BRCA2: variants seen among roughly 807,000 people sequenced by gnomAD.
BRCA2 encodes BRCA2 DNA repair associated.
Under a neutral mutation model 276.7 loss-of-function variants are expected in BRCA2, and 203 were observed. The ratio of observed to expected loss-of-function variants is 0.73; its 90% CI spans 0.65 to 0.82. The LOEUF is 0.82. BRCA2 is among the 40% of genes least tolerant of loss of function. The pLI, the probability that BRCA2 is intolerant of heterozygous loss-of-function variation, is 0.00. For missense variants in BRCA2, 3,920 were observed against 3,915.0 expected (o/e 1.00, Z -0.03); for synonymous variants, 1,289 against 1,338.4 (o/e 0.96, Z 0.81).
At chr13:32,318,949 T>C in intron 2 of BRCA2, 128 bp from the exon 3 acceptor site, 5 of 1,245,752 alleles carry the variant, frequency 4.0e-6, no homozygotes, top group Non-Finnish European at 5.6e-6. Flanking sequence ...GTTTAATTAA[T>C]ATGCCTTAAC....
At chr13:32,389,256 T>G (rs537278668) in intron 24 of BRCA2, among the ~76,000 whole-genome samples, 2 of 152,324 alleles carry the variant, frequency 1.3e-5, no homozygotes, top group Admixed American at 6.5e-5. Context: ...AAATACTATT[T>G]TCTTGGATAT....
chr13:32,349,587 G>A lies in BRCA2; in HGVS notation c.7007+2691G>A, dbSNP rs367890577. Among the ~76,000 whole-genome samples the A allele has an allele frequency of 1.5e-3, 229 of 152,072 alleles. 2 individuals carry two copies. The highest frequency in any genetic ancestry group is 6.8e-3 in the Middle Eastern group (2 of 294). ...CGGTGGCTCACATGGAGGCTGAGGCGGGTGAATCACCTGAGGTCAGGAATT... is the reference window on the plus strand; with the variant it reads ...CGGTGGCTCACATGGAGGCTGAGGCAGGTGAATCACCTGAGGTCAGGAATT... On this transcript the variant is annotated intron_variant, in intron 13 of 26. Coordinates refer to ENST00000380152, the MANE Select transcript of BRCA2 (RefSeq NM_000059.4).
Position 32,340,356 on chromosome 13 carries a change from T to C in BRCA2, c.6001T>C (p.Ser2001Pro), listed in dbSNP as rs939633265. The C allele has an allele frequency of 6.2e-7, 1 of 1,614,036 alleles. No individual in the cohort carries two copies. Among genetic ancestry groups the C allele is most frequent in the South Asian group, 1.1e-5 (1 of 91,082 alleles). The change falls in exon 11 of 27, where the codon TCT (serine) becomes CCT (proline). Residue 2001 changes from serine to proline, a missense_variant. By Grantham distance (74) the Ser-to-Pro change is moderately conservative. Around this residue, in one of 2 missense-constraint regions of BRCA2, gnomAD observed 3,263 missense variants for 3,156.9 expected, o/e 1.03. Transcript: ENST00000380152. ...ASLQNARQVF[S>P]EIEDSTKQVF... ...ATTACAAAACGCAAGACAAGTGTTT[T>C]CTGAAATAGAAGATAGTACCAAGCA...
rs4987049 is a variant in BRCA2 at position 32,398,437 on chromosome 13, C to T, written c.9924C>T (p.Tyr3308=). The change falls in exon 27 of 27, where the codon TAC becomes TAT. Residue 3308 remains tyrosine (Y), a synonymous_variant. Coordinates refer to ENST00000380152, the MANE Select transcript of BRCA2 (RefSeq NM_000059.4). ...CACCAAGGAGTTGTGGCACCAAATA[C>T]GAAACACCCATAAAGAAAAAAGAAC... is the stretch of plus-strand genomic sequence containing the variant. ...FQPPRSCGTK[Y]ETPIKKKELN... 7.1e-5 allele frequency: 115 copies of T among 1,614,138 alleles called. No homozygotes were observed. In the African/African-American group the frequency reaches 1.2e-3, roughly 17 times the overall value.
At chr13:32,367,750 G>A (rs1438941268) in intron 18 of BRCA2, among the ~76,000 whole-genome samples, 2 of 151,996 alleles carry the variant, frequency 1.3e-5, no homozygotes, top group Admixed American at 6.5e-5. Flanking sequence ...AGTTGAGATC[G>A]TGCTACTGCA....
Position 32,358,659 on chromosome 13 carries a change from G to A in BRCA2, c.7805+730G>A, listed in dbSNP as rs544411371. Among the ~76,000 whole-genome samples the A allele has an allele frequency of 5.3e-5, 8 of 151,442 alleles. No homozygotes were observed. The East Asian group carries it at 6.0e-4, about 11-fold the overall frequency. On this transcript the variant is annotated intron_variant, in intron 16 of 26. Coordinates refer to ENST00000380152, the MANE Select transcript of BRCA2 (RefSeq NM_000059.4). Reference sequence around the variant, plus strand: ...AATTAAAAAATTAGCCCAGCCAGGCGCGGTGGCTCACGCCTGTAGTCCCAA... The same window carrying A: ...AATTAAAAAATTAGCCCAGCCAGGCACGGTGGCTCACGCCTGTAGTCCCAA...
Position 32,331,026 on chromosome 13 carries a change from T to G in BRCA2, c.789T>G (p.Ser263Arg), listed in dbSNP as rs2137462322. Residue 263 changes from serine (S) to arginine (R), a missense_variant, in exon 9 of 27, where the codon AGT becomes AGG. Coordinates refer to ENST00000380152, the MANE Select transcript of BRCA2 (RefSeq NM_000059.4). ...ACACAAATCAAAGAGAAGCTGCAAGTCATGGTAAGTCCTCTGTTTAGTTGA... is the reference window on the plus strand; with the variant it reads ...ACACAAATCAAAGAGAAGCTGCAAGGCATGGTAAGTCCTCTGTTTAGTTGA... Reference protein sequence around the residue: ...SENTNQREAASHGFGKTSGNS... With the variant: ...SENTNQREAARHGFGKTSGNS... 6.2e-7 allele frequency: 1 copy of G among 1,601,988 alleles called. No individual in the cohort carries two copies.
rs746634772 is a variant in BRCA2, at chr13:32,370,529, T to C, written c.8459T>C (p.Val2820Ala). Residue 2820 changes from valine to alanine, a missense_variant, in exon 19 of 27, where the codon GTA becomes GCA. Transcript: ENST00000380152. ...GGAGGAAATGTTGGTTGTGTTGATG[T>C]AATTATTCAAAGAGCATACCCTATA... ...SDGGNVGCVD[V>A]IIQRAYPIQW... The C allele has an allele frequency of 1.2e-6, 2 of 1,613,804 alleles. No homozygotes were observed. Among genetic ancestry groups the C allele is most frequent in the South Asian group, 2.2e-5 (2 of 91,072 alleles).
In BRCA2 at chr13:32,340,097, C is replaced by T. The variant is rs1306995891; in HGVS notation, c.5742C>T (p.Ser1914=). The change falls in exon 11 of 27, where the codon AGC becomes AGT. Residue 1914 remains serine, a synonymous_variant. Coordinates refer to ENST00000380152, the MANE Select transcript of BRCA2 (RefSeq NM_000059.4). ...ACTCTCTAGATAATGATGAATGTAG[C>T]ACGCATTCACATAAGGTTTTTGCTG... ...LHNSLDNDEC[S]THSHKVFADI... 6.2e-6 allele frequency: 10 copies of T among 1,613,752 alleles called. No individual in the cohort carries two copies. Among genetic ancestry groups the T allele is most frequent in the Non-Finnish European group, 8.5e-6 (10 of 1,179,762 alleles).
intron 24 of BRCA2, among the ~76,000 whole-genome samples, chr13:32,383,876 G>T (rs544469624): frequency 1.3e-5 from 2 of 152,164 alleles, no homozygotes; most frequent in East Asian, 3.9e-4. Context: ...TAAAAGTCTT[G>T]GGTATGTCCA....
chr13:32,385,038 G>T, intron 24 of BRCA2: 1 of 327,824 alleles, frequency 3.1e-6, no homozygotes, highest in Non-Finnish European at 6.0e-6. Context: ...ACATTTGCAA[G>T]AAGTTTTCAA....
At chr13:32,375,817 C>G (rs909336706) in intron 20 of BRCA2, among the ~76,000 whole-genome samples, 3 of 151,900 alleles carry the variant, frequency 2.0e-5, no homozygotes, top group Admixed American at 6.5e-5. Context: ...GCCTCGGCCT[C>G]CCAAAGTGCT....
At chr13:32,350,157 C>T (rs144196305) in intron 13 of BRCA2, among the ~76,000 whole-genome samples, 3 of 152,146 alleles carry the variant, frequency 2.0e-5, no homozygotes, top group East Asian at 1.9e-4. Flanking sequence ...TTCAAAACAG[C>T]CTTTTGGTCC....
intron 24 of BRCA2, chr13:32,385,065 A>C (rs937642741): frequency 3.4e-6 from 1 of 292,606 alleles, no homozygotes. Context: ...TCTGTCACAG[A>C]ATGGAATGTC....
Position 32,398,986 on chromosome 13 carries a change from GTA to G in BRCA2, c.*217_*218del. 1 of 539,420 alleles carries G rather than the reference GTA, an allele frequency of 1.9e-6. No individual in the cohort carries two copies. The allele number at this position is 539,420 out of a possible 1,614,324, so 33.4% of individuals were successfully genotyped here. A position where few individuals can be genotyped will look rare whatever the true frequency, so the allele number is the denominator to read the frequency against. On this transcript the variant is annotated 3_prime_UTR_variant, in exon 27 of 27. Coordinates refer to ENST00000380152, the MANE Select transcript of BRCA2 (RefSeq NM_000059.4). ...TCAGTTGCATATCTTAAAACTAAAT[GTA>G]ATTTATTAACTAATCAAGAAAAACA...
In BRCA2 at chr13:32,355,003, C is replaced by A. The variant is rs55977008; in HGVS notation, c.7150C>A (p.Gln2384Lys). ...AGCAGTTTCAGGACATCCATTTTAT[C>A]AAGTTTCTGCTACAAGAAATGAAAA... is the stretch of plus-strand genomic sequence containing the variant. Reference protein sequence around the residue: ...NLAVSGHPFYQVSATRNEKMR... With the variant: ...NLAVSGHPFYKVSATRNEKMR... Residue 2384 changes from glutamine (Q) to lysine (K), a missense_variant, in exon 14 of 27, where the codon CAA (glutamine) becomes AAA (lysine). Physicochemically the swap from Gln to Lys is moderately conservative, Grantham distance 53. Around this residue, in one of 2 missense-constraint regions of BRCA2, gnomAD observed 3,263 missense variants for 3,156.9 expected, o/e 1.03. Coordinates refer to ENST00000380152, the MANE Select transcript of BRCA2 (RefSeq NM_000059.4). 3.2e-4 allele frequency: 513 copies of A among 1,613,760 alleles called. No homozygotes were observed. The African/African-American group carries it at 6.0e-3, about 19-fold the overall frequency.
chr13:32,387,157 G>A (rs545660247), intron 24 of BRCA2, among the ~76,000 whole-genome samples: 1 of 152,218 alleles, frequency 6.6e-6, no homozygotes, highest in African/African-American at 2.4e-5. Context: ...ATGTGTGGGT[G>A]GAGGATTACC....
chr13:32,338,835 A>G lies in BRCA2; in HGVS notation c.4480A>G (p.Ser1494Gly), dbSNP rs1593902515. The change falls in exon 11 of 27, where the codon AGT (serine) becomes GGT (glycine). Residue 1494 changes from serine (S) to glycine (G), a missense_variant. Around this residue, in one of 2 missense-constraint regions of BRCA2, gnomAD observed 3,263 missense variants for 3,156.9 expected, o/e 1.03. Transcript: ENST00000380152. ...DIVKHKILKESVPVGTGNQLV... is the reference protein window; with the variant it reads ...DIVKHKILKEGVPVGTGNQLV... ...AGTTAAACACAAAATACTGAAAGAA[A>G]GTGTCCCAGTTGGTACTGGAAATCA... 2 of 1,613,748 alleles carry G rather than the reference A, an allele frequency of 1.2e-6. No homozygotes were observed. The highest frequency in any genetic ancestry group is 2.7e-5 in the African/African-American group (2 of 74,940).
At chr13:32,320,022 A>G (rs144911475) in intron 3 of BRCA2, among the ~76,000 whole-genome samples, 1 of 152,330 alleles carries the variant, frequency 6.6e-6, no homozygotes, top group Non-Finnish European at 1.5e-5. Flanking sequence ...TGAGAGATTA[A>G]GAAATTTGAA....
Sources: gnomAD v4.1 joint callset for allele counts (sites outside exome capture counted in the v4.1 genomes callset) on GRCh38, gnomAD v4.1.1 for gene constraint, gnomAD v4.1.1 regional missense constraint, MANE v1.5 for transcripts, NCBI Gene and HGNC (gene_info 2026-07-23, HGNC 2026-07-21) for gene names.